RNASE7: variants seen among roughly 807,000 people sequenced by gnomAD.
The protein encoded by RNASE7 is ribonuclease A family member 7.
For missense variants in RNASE7, 184 were observed against 191.5 expected (o/e 0.96, Z 0.23); for synonymous variants, 80 against 77.5 (o/e 1.03, Z -0.17).
Position 21,042,991 on chromosome 14 carries a change from A to G in RNASE7, c.-2A>G. 6.2e-7 allele frequency: 1 copy of G among 1,611,212 alleles called. No homozygotes were observed. The highest frequency in any genetic ancestry group is 8.5e-7 in the Non-Finnish European group (1 of 1,178,404). ...CCATCCTGACTGCTCCTCCTAAGAG[A>G]GATGGCACCGGCCAGAGCAGGATTC... On this transcript the variant is annotated 5_prime_UTR_variant, in exon 2 of 2. Transcript: ENST00000298690.
In RNASE7 at chr14:21,043,810, C is replaced by A. The variant is rs538068494; in HGVS notation, c.*347C>A. 2.8e-4 allele frequency: 64 copies of A among 229,422 alleles called. 1 individual carries two copies. The highest frequency in any genetic ancestry group is 1.7e-3 in the Middle Eastern group (1 of 574). The allele number at this position is 229,422 out of a possible 1,614,324, so 14.2% of individuals were successfully genotyped here. A position where few individuals can be genotyped will look rare whatever the true frequency, so the allele number is the denominator to read the frequency against. On this transcript the variant is annotated 3_prime_UTR_variant, in exon 2 of 2. Transcript: ENST00000298690. Reference sequence around the variant, plus strand: ...AAAGGGGGCATATGGGATTTGTGGACACAGCTGTTTCTGTTCCTGAACTAG... The same window carrying A: ...AAAGGGGGCATATGGGATTTGTGGAAACAGCTGTTTCTGTTCCTGAACTAG...
Position 21,043,526 on chromosome 14 carries a change from C to G in RNASE7, c.*63C>G, listed in dbSNP as rs1885010476. 2.8e-6 allele frequency: 3 copies of G among 1,079,174 alleles called. No individual in the cohort carries two copies. The highest frequency in any genetic ancestry group is 1.5e-5 in the South Asian group (1 of 65,988). 66.8% of individuals were successfully genotyped at this position (1,079,174 alleles called of 1,614,324 possible). A position where few individuals can be genotyped will look rare whatever the true frequency, so the allele number is the denominator to read the frequency against. On this transcript the variant is annotated 3_prime_UTR_variant, in exon 2 of 2. Transcript: ENST00000298690. ...TCCCTCTCCAGGACTCCGCACCACT[C>G]CCCTACACCCAGAGCATTCTCTTCC...
At position 21,044,170 on chromosome 14, in the gene RNASE7, G is replaced by A. The variant is rs1371852124; in HGVS notation, c.*707G>A. 3.0e-5 allele frequency: 5 copies of A among 167,100 alleles called. No homozygotes were observed. The highest frequency in any genetic ancestry group is 2.0e-4 in the Admixed American group (3 of 15,284). 10.4% of individuals were successfully genotyped at this position (167,100 alleles called of 1,614,324 possible). A position where few individuals can be genotyped will look rare whatever the true frequency, so the allele number is the denominator to read the frequency against. On this transcript the variant is annotated 3_prime_UTR_variant, in exon 2 of 2. Coordinates refer to ENST00000298690, the MANE Select transcript of RNASE7 (RefSeq NM_032572.4). ...GGTAAGAGTTCACTCATGAAGAAAC[G>A]AGTGCTCTGAAGAGCCAGTTACCCT...
rs1264248788 is a variant in RNASE7, at chr14:21,043,248, C to A, written c.256C>A (p.Pro86Thr). The A allele has an allele frequency of 1.2e-6, 2 of 1,614,086 alleles. No individual in the cohort carries two copies. The highest frequency in any genetic ancestry group is 2.2e-5 in the East Asian group (1 of 44,892). ...FSSVAATCQT[P>T]KIACKNGDKN... Reference sequence around the variant, plus strand: ...CAGTGTGGCCGCCACCTGCCAGACCCCCAAAATAGCCTGCAAGAATGGCGA... The same window carrying A: ...CAGTGTGGCCGCCACCTGCCAGACCACCAAAATAGCCTGCAAGAATGGCGA... Residue 86 changes from proline (P) to threonine (T), a missense_variant, in exon 2 of 2, where the codon CCC (proline) becomes ACC (threonine). Coordinates refer to ENST00000298690, the MANE Select transcript of RNASE7 (RefSeq NM_032572.4).
intron 1 of RNASE7, 104 bp from the exon 2 acceptor site, chr14:21,042,849 G>A: frequency 1.5e-6 from 1 of 679,140 alleles, no homozygotes; most frequent in Non-Finnish European, 2.5e-6. Flanking sequence ...GCAGAGATGA[G>A]ACACAAAGTG....
Position 21,042,996 on chromosome 14 carries a change from G to T in RNASE7, c.4G>T (p.Ala2Ser). M[A>S]PARAGFCPLL... is the part of the protein sequence containing the mutation. ...CTGACTGCTCCTCCTAAGAGAGATG[G>T]CACCGGCCAGAGCAGGATTCTGCCC... The change falls in exon 2 of 2, where the codon GCA becomes TCA. Residue 2 changes from alanine to serine, a missense_variant. Physicochemically the swap from Ala to Ser is moderately conservative, Grantham distance 99 (BLOSUM62 1). Transcript: ENST00000298690. 6.2e-7 allele frequency: 1 copy of T among 1,612,016 alleles called. No homozygotes were observed. Among genetic ancestry groups the T allele is most frequent in the African/African-American group, 1.3e-5 (1 of 75,010 alleles).
In RNASE7 at chr14:21,043,032, C is replaced by T; in HGVS notation, c.40C>T (p.Leu14Phe). Residue 14 changes from leucine to phenylalanine, a missense_variant, in exon 2 of 2, where the codon CTT becomes TTT. Coordinates refer to ENST00000298690, the MANE Select transcript of RNASE7 (RefSeq NM_032572.4). ...AGCAGGATTCTGCCCCCTTCTGCTG[C>T]TTCTGCTGCTGGGGCTGTGGGTGGC... ...ARAGFCPLLL[L>F]LLLGLWVAEI... 6.2e-7 allele frequency: 1 copy of T among 1,614,142 alleles called. No homozygotes were observed. Among genetic ancestry groups the T allele is most frequent in the Non-Finnish European group, 8.5e-7 (1 of 1,180,008 alleles).
In RNASE7 at chr14:21,042,953, C is replaced by G; in HGVS notation, c.-40C>G. On this transcript the variant is annotated splice_region_variant and 5_prime_UTR_variant, in exon 2 of 2. Transcript: ENST00000298690. ...TCTCAACTGAACACCTCTGTCCCAG[C>G]GACCCCTGCCCTCCATCCTGACTGC... 1 of 1,561,622 alleles carries G rather than the reference C, an allele frequency of 6.4e-7. No homozygotes were observed.
Position 21,043,226 on chromosome 14 carries a change from T to C in RNASE7, c.234T>C (p.Ser78=), listed in dbSNP as rs749304161. ...CCTTCCTGCACGAGCCTTTCTCCAGTGTGGCCGCCACCTGCCAGACCCCCA... is the reference window on the plus strand; with the variant it reads ...CCTTCCTGCACGAGCCTTTCTCCAGCGTGGCCGCCACCTGCCAGACCCCCA... ...LNTFLHEPFS[S]VAATCQTPKI... Residue 78 remains serine, a synonymous_variant, in exon 2 of 2, where the codon AGT becomes AGC. Transcript: ENST00000298690. 2 of 1,614,192 alleles carry C rather than the reference T, an allele frequency of 1.2e-6. No homozygotes were observed. The highest frequency in any genetic ancestry group is 1.7e-6 in the Non-Finnish European group (2 of 1,180,036).
Position 21,043,022 on chromosome 14 carries a change from C to G in RNASE7, c.30C>G (p.Pro10=), listed in dbSNP as rs1393193197. 6.2e-7 allele frequency: 1 copy of G among 1,614,108 alleles called. No individual in the cohort carries two copies. The highest frequency in any genetic ancestry group is 8.5e-7 in the Non-Finnish European group (1 of 1,180,002). The part of the protein sequence containing the change: MAPARAGFC[P]LLLLLLLGLW... ...CACCGGCCAGAGCAGGATTCTGCCC[C>G]CTTCTGCTGCTTCTGCTGCTGGGGC... Residue 10 remains proline, a synonymous_variant, in exon 2 of 2, where the codon CCC becomes CCG. Transcript: ENST00000298690.
rs1238758171 is a variant in RNASE7, at chr14:21,043,497, CA to C, written c.*36del. The stretch of plus-strand genomic sequence containing the variant: ...ACTGGCTTGCTCTTTGGCTGACCTT[CA>C]ATTCCCTCTCCAGGACTCCGCACCA... On this transcript the variant is annotated 3_prime_UTR_variant, in exon 2 of 2. Transcript: ENST00000298690. The C allele has an allele frequency of 1.4e-6, 2 of 1,434,378 alleles. No individual in the cohort carries two copies. The highest frequency in any genetic ancestry group is 1.9e-6 in the Non-Finnish European group (2 of 1,046,824). The allele number at this position is 1,434,378 out of a possible 1,614,324, so 88.9% of individuals were successfully genotyped here. A position where few individuals can be genotyped will look rare whatever the true frequency, so the allele number is the denominator to read the frequency against.
Position 21,043,121 on chromosome 14 carries a change from C to T in RNASE7, c.129C>T (p.His43=). Residue 43 remains histidine, a synonymous_variant, in exon 2 of 2, where the codon CAC becomes CAT. Coordinates refer to ENST00000298690, the MANE Select transcript of RNASE7 (RefSeq NM_032572.4). The stretch of plus-strand genomic sequence containing the variant: ...CATCACAGTGGTTTAAAATTCAGCA[C>T]ATGCAGCCCAGCCCTCAAGCATGCA... ...MTSSQWFKIQ[H]MQPSPQACNS... 1.2e-6 allele frequency: 2 copies of T among 1,614,208 alleles called. No individual in the cohort carries two copies. The highest frequency in any genetic ancestry group is 8.5e-7 in the Non-Finnish European group (1 of 1,180,034).
Position 21,042,963 on chromosome 14 carries a change from C to T in RNASE7, c.-30C>T. 6.3e-7 allele frequency: 1 copy of T among 1,590,730 alleles called. No homozygotes were observed. The highest frequency in any genetic ancestry group is 8.6e-7 in the Non-Finnish European group (1 of 1,166,444). On this transcript the variant is annotated 5_prime_UTR_variant, in exon 2 of 2. Coordinates refer to ENST00000298690, the MANE Select transcript of RNASE7 (RefSeq NM_032572.4). Reference sequence around the variant, plus strand: ...ACACCTCTGTCCCAGCGACCCCTGCCCTCCATCCTGACTGCTCCTCCTAAG... The same window carrying T: ...ACACCTCTGTCCCAGCGACCCCTGCTCTCCATCCTGACTGCTCCTCCTAAG...
chr14:21,042,990 G>C lies in RNASE7; in HGVS notation c.-3G>C. The C allele has an allele frequency of 1.9e-6, 3 of 1,611,236 alleles. No homozygotes were observed. The highest frequency in any genetic ancestry group is 2.7e-5 in the African/African-American group (2 of 74,986). On this transcript the variant is annotated 5_prime_UTR_variant, in exon 2 of 2. Transcript: ENST00000298690. The stretch of plus-strand genomic sequence containing the variant: ...TCCATCCTGACTGCTCCTCCTAAGA[G>C]AGATGGCACCGGCCAGAGCAGGATT...
Position 21,043,729 on chromosome 14 carries a change from A to C in RNASE7, c.*266A>C, listed in dbSNP as rs552414482. On this transcript the variant is annotated 3_prime_UTR_variant, in exon 2 of 2. Coordinates refer to ENST00000298690, the MANE Select transcript of RNASE7 (RefSeq NM_032572.4). ...GGTTCCCTGGTCTATGCCATTGCACATGTCTCCCCTGCCCCCTGGCATTAG... is the reference window on the plus strand; with the variant it reads ...GGTTCCCTGGTCTATGCCATTGCACCTGTCTCCCCTGCCCCCTGGCATTAG... 18 of 403,430 alleles carry C rather than the reference A, an allele frequency of 4.5e-5. No homozygotes were observed. The highest frequency in any genetic ancestry group is 4.0e-4 in the East Asian group (9 of 22,546). The allele number at this position is 403,430 out of a possible 1,614,324, so 25.0% of individuals were successfully genotyped here. A position where few individuals can be genotyped will look rare whatever the true frequency, so the allele number is the denominator to read the frequency against.
chr14:21,042,936 G>C lies in RNASE7; in HGVS notation c.-40-17G>C. Reference sequence around the variant, plus strand: ...GTATAAGAGGACTAATTTCTCAACTGAACACCTCTGTCCCAGCGACCCCTG... The same window carrying C: ...GTATAAGAGGACTAATTTCTCAACTCAACACCTCTGTCCCAGCGACCCCTG... On this transcript the variant is annotated splice_polypyrimidine_tract_variant and intron_variant, in intron 1 of 1. Coordinates refer to ENST00000298690, the MANE Select transcript of RNASE7 (RefSeq NM_032572.4). The C allele has an allele frequency of 6.8e-7, 1 of 1,480,732 alleles. No individual in the cohort carries two copies. The highest frequency in any genetic ancestry group is 1.3e-5 in the South Asian group (1 of 77,426). 91.7% of individuals were successfully genotyped at this position (1,480,732 alleles called of 1,614,324 possible). A position where few individuals can be genotyped will look rare whatever the true frequency, so the allele number is the denominator to read the frequency against.
rs532667571 is a variant in RNASE7 at position 21,043,704 on chromosome 14, G to A, written c.*241G>A. On this transcript the variant is annotated 3_prime_UTR_variant, in exon 2 of 2. Transcript: ENST00000298690. ...AAGAAACAGCAAGCTCAGGTCTGTG[G>A]GTTCCCTGGTCTATGCCATTGCACA... is the stretch of plus-strand genomic sequence containing the variant. 19 of 487,294 alleles carry A rather than the reference G, an allele frequency of 3.9e-5. No individual in the cohort carries two copies. The South Asian group carries it at 5.8e-4, about 15-fold the overall frequency. 30.2% of individuals were successfully genotyped at this position (487,294 alleles called of 1,614,324 possible). A position where few individuals can be genotyped will look rare whatever the true frequency, so the allele number is the denominator to read the frequency against.
Position 21,043,157 on chromosome 14 carries a change from G to GA in RNASE7, c.170dup (p.Asn57LysfsTer3). ...GCCCTCAAGCATGCAACTCAGCCAT[G>GA]AAAAACATTAACAAGCACACAAAAC... is the stretch of plus-strand genomic sequence containing the variant. On this transcript the variant is annotated frameshift_variant, in exon 2 of 2. Coordinates refer to ENST00000298690, the MANE Select transcript of RNASE7 (RefSeq NM_032572.4). LOFTEE classifies it low-confidence loss of function (END_TRUNC). The GA allele has an allele frequency of 6.2e-7, 1 of 1,614,160 alleles. No individual in the cohort carries two copies. Among genetic ancestry groups the GA allele is most frequent in the Non-Finnish European group, 8.5e-7 (1 of 1,180,040 alleles).
Position 21,043,324 on chromosome 14 carries a change from T to G in RNASE7, c.332T>G (p.Leu111Arg). The G allele has an allele frequency of 6.2e-7, 1 of 1,614,050 alleles. No homozygotes were observed. The highest frequency in any genetic ancestry group is 8.5e-7 in the Non-Finnish European group (1 of 1,180,016). ...GCCGTGTCCCTGACCATGTGTAAGC[T>G]CACCTCAGGGAAGCATCCGAACTGC... is the stretch of plus-strand genomic sequence containing the variant. ...HGAVSLTMCKLTSGKHPNCRY... is the reference protein window; with the variant it reads ...HGAVSLTMCKRTSGKHPNCRY... The change falls in exon 2 of 2, where the codon CTC becomes CGC. Residue 111 changes from leucine (L) to arginine (R), a missense_variant. Leu to Arg is a moderately radical substitution (Grantham distance 102, BLOSUM62 -2). Coordinates refer to ENST00000298690, the MANE Select transcript of RNASE7 (RefSeq NM_032572.4).
Sources: allele counts gnomAD v4.1 joint callset, GRCh38; gene constraint gnomAD v4.1.1; transcripts MANE v1.5; gene names NCBI Gene and HGNC (gene_info 2026-07-23, HGNC 2026-07-21).